The following ZNF615 variants were observed in gnomAD, a reference collection of about 807,000 sequenced individuals.
ZNF615 encodes zinc finger protein 615.
ZNF615 carries 15 observed loss-of-function variants against 15.3 expected under a neutral mutation model. That is an observed-to-expected ratio of 0.98 (90% CI 0.66 to 1.51). The LOEUF (loss-of-function observed/expected upper bound fraction) is 1.51. Ranked by LOEUF, ZNF615 falls within the 40% of genes most tolerant of loss-of-function variation. The probability of loss-of-function intolerance (pLI) is 0.00; values close to 1 mark genes in which losing one functional copy is unlikely to be tolerated. For synonymous variants in ZNF615, 268 were observed against 294.6 expected, an observed-to-expected ratio of 0.91 and a Z score of 0.92; for missense variants, 848 against 895.9, an observed-to-expected ratio of 0.95 and a Z score of 0.68.
In ZNF615 at chr19:51,993,287, T is replaced by C; in HGVS notation, c.1822A>G (p.Ile608Val). The change falls in exon 7 of 7, where the codon ATA (isoleucine) becomes GTA (valine). Residue 608 changes from isoleucine to valine, a missense_variant. Transcript: ENST00000598071. Reference protein sequence around the residue: ...QRTHTGEKPYICNECGKGFTM... With the variant: ...QRTHTGEKPYVCNECGKGFTM... The stretch of plus-strand genomic sequence containing the variant: ...AAGCCCTTTCCACATTCATTGCATA[T>C]ATAAGGTTTCTCCCCAGTATGAGTT... 6.2e-7 allele frequency: 1 copy of C among 1,614,156 alleles called. No homozygotes were observed. Among genetic ancestry groups the C allele is most frequent in the Middle Eastern group, 1.6e-4 (1 of 6,062 alleles).
In ZNF615 at chr19:51,994,354, A is replaced by G. The variant is rs201909467; in HGVS notation, c.755T>C (p.Phe252Ser). 3.1e-6 allele frequency: 5 copies of G among 1,614,074 alleles called. No homozygotes were observed. Among genetic ancestry groups the G allele is most frequent in the Non-Finnish European group, 4.2e-6 (5 of 1,180,014 alleles). The part of the protein sequence containing the change: ...PHVCSMCGKA[F>S]SRKSRLMDHQ... ...GTCCATTAGTCTGGATTTTCTGGAGAAAGCTTTCCCACACATACTGCATAC... is the reference window on the plus strand; with the variant it reads ...GTCCATTAGTCTGGATTTTCTGGAGGAAGCTTTCCCACACATACTGCATAC... Residue 252 changes from phenylalanine (F) to serine (S), a missense_variant, in exon 7 of 7, where the codon TTC becomes TCC. Transcript: ENST00000598071.
At chr19:52,007,386 G>A (rs956698211) in intron 1 of ZNF615, 56 bp from the exon 2 acceptor site, 1 of 1,061,002 alleles carries the variant, frequency 9.4e-7, no homozygotes, top group Non-Finnish European at 1.3e-6. Context: ...AAGGGTAGAA[G>A]CCGCATCTTA....
intron 2 of ZNF615, among the ~76,000 whole-genome samples, chr19:52,006,936 A>T (rs1027562809): frequency 6.6e-6 from 1 of 152,164 alleles, no homozygotes; most frequent in East Asian, 1.9e-4. Context: ...GGAGTCAGAA[A>T]GCAATACACT....
In ZNF615 at chr19:52,001,878, G is replaced by C. The variant is rs748389966; in HGVS notation, c.173C>G (p.Ser58Cys). The C allele has an allele frequency of 2.5e-6, 4 of 1,614,046 alleles. No individual in the cohort carries two copies. Among genetic ancestry groups the C allele is most frequent in the Non-Finnish European group, 3.4e-6 (4 of 1,180,044 alleles). The change falls in exon 5 of 7, where the codon TCC becomes TGC. Residue 58 changes from serine (S) to cysteine (C), a missense_variant. By Grantham distance (112) the Ser-to-Cys change is moderately radical. Transcript: ENST00000598071. ...AGTTTCTTCTCCTCGTTCCAATTTG[G>C]AGAGTGCATCTGGTTTGCTGGCTTG... ...GYQASKPDAL[S>C]KLERGEETCT... is the part of the protein sequence containing the mutation.
intron 5 of ZNF615, among the ~76,000 whole-genome samples, 198 bp from the exon 6 acceptor site, chr19:52,000,576 T>A (rs796532866): frequency 1.6e-4 from 25 of 152,152 alleles, no homozygotes; most frequent in African/African-American, 6.0e-4. Flanking sequence ...CAGAAGTTAA[T>A]TTGGTAGTCT....
rs1006214788 is a variant in ZNF615, at chr19:51,993,394, G to C, written c.1715C>G (p.Thr572Ser). Residue 572 changes from threonine to serine, a missense_variant, in exon 7 of 7, where the codon ACT (threonine) becomes AGT (serine). Physicochemically the swap from Thr to Ser is moderately conservative, Grantham distance 58 (BLOSUM62 1). Coordinates refer to ENST00000598071, the MANE Select transcript of ZNF615 (RefSeq NM_001199324.2). Reference protein sequence around the residue: ...EKSHLNVHRRTHTGEKPYVCS... With the variant: ...EKSHLNVHRRSHTGEKPYVCS... ...TACATAGGGTTTCTCTCCTGTATGA[G>C]TGCGCCGATGTACATTGAGATGACT... 27 of 1,613,918 alleles carry C rather than the reference G, an allele frequency of 1.7e-5. No individual in the cohort carries two copies. Among genetic ancestry groups the C allele is most frequent in the Non-Finnish European group, 2.1e-5 (25 of 1,180,008 alleles).
Position 51,992,698 on chromosome 19 carries a change from T to C in ZNF615, c.*182A>G, listed in dbSNP as rs2086267613. ...CACATTCATAGGATTTTTCTCAGTA[T>C]ACAATTTTTAGACATAATGTCCTAA... On this transcript the variant is annotated 3_prime_UTR_variant, in exon 7 of 7. Coordinates refer to ENST00000598071, the MANE Select transcript of ZNF615 (RefSeq NM_001199324.2). 5.3e-6 allele frequency: 4 copies of C among 757,770 alleles called. No homozygotes were observed. The highest frequency in any genetic ancestry group is 3.8e-4 in the Middle Eastern group (1 of 2,638). The allele number at this position is 757,770 out of a possible 1,614,324, so 46.9% of individuals were successfully genotyped here. A position where few individuals can be genotyped will look rare whatever the true frequency, so the allele number is the denominator to read the frequency against.
chr19:52,003,943 C>T, intron 2 of ZNF615, 43 bp from the exon 3 acceptor site: 1 of 1,291,260 alleles, frequency 7.7e-7, no homozygotes, highest in Non-Finnish European at 9.9e-7. Flanking sequence ...TTTTTAGGCC[C>T]AGATGTTGTC....
At position 51,993,660 on chromosome 19, in the gene ZNF615, A is replaced by G; in HGVS notation, c.1449T>C (p.Ile483=). The change falls in exon 7 of 7, where the codon ATT becomes ATC. Residue 483 remains isoleucine (I), a synonymous_variant. Transcript: ENST00000598071. ...RKGFTMKSDL[I]VHQRTHTAEK... ...CTGCAGTATGAGTTCGCTGATGTACAATGAGGTCACTCTTCATGGTGAAAC... is the reference window on the plus strand; with the variant it reads ...CTGCAGTATGAGTTCGCTGATGTACGATGAGGTCACTCTTCATGGTGAAAC... 1 of 1,613,858 alleles carries G rather than the reference A, an allele frequency of 6.2e-7. No homozygotes were observed.
chr19:51,993,478 G>C lies in ZNF615; in HGVS notation c.1631C>G (p.Thr544Ser). The C allele has an allele frequency of 6.2e-7, 1 of 1,614,014 alleles. No homozygotes were observed. The highest frequency in any genetic ancestry group is 8.5e-7 in the Non-Finnish European group (1 of 1,179,994). ...AKIRLMGHQR[T>S]HTGEKPYICN... ...AATATAAGGTTTCTCTCCTGTATGA[G>C]TTCGTTGATGTCCCATTAGCCGGAT... Residue 544 changes from threonine to serine, a missense_variant, in exon 7 of 7, where the codon ACT (threonine) becomes AGT (serine). Transcript: ENST00000598071.
In ZNF615 at chr19:51,993,155, GTA is replaced by G; in HGVS notation, c.1952_1953del (p.Ile651ThrfsTer16). ...DKTFRKKTCL[I>X]QHQRFHTGKT... is the part of the protein sequence containing the mutation. ...TTTCCTGTGTGAAATCGCTGATGTT[GTA>G]TGAGGCATGTCTTCTTCCTGAAGGT... On this transcript the variant is annotated frameshift_variant, in exon 7 of 7. Transcript: ENST00000598071. LOFTEE classifies it low-confidence loss of function (END_TRUNC). 1.2e-6 allele frequency: 2 copies of G among 1,614,168 alleles called. No individual in the cohort carries two copies. The highest frequency in any genetic ancestry group is 2.2e-5 in the South Asian group (2 of 91,084).
Position 51,993,492 on chromosome 19 carries a change from C to T in ZNF615, c.1617G>A (p.Met539Ile). 6.2e-7 allele frequency: 1 copy of T among 1,613,160 alleles called. No individual in the cohort carries two copies. The highest frequency in any genetic ancestry group is 1.3e-5 in the African/African-American group (1 of 74,680). Reference protein sequence around the residue: ...GKGFPAKIRLMGHQRTHTGEK... With the variant: ...GKGFPAKIRLIGHQRTHTGEK... ...CTCCTGTATGAGTTCGTTGATGTCC[C>T]ATTAGCCGGATCTTTGCTGGAAAGC... Residue 539 changes from methionine (M) to isoleucine (I), a missense_variant, in exon 7 of 7, where the codon ATG becomes ATA. Transcript: ENST00000598071.
rs2288886 is a variant in ZNF615 at position 51,992,431 on chromosome 19, A to T, written c.*449T>A. 60,147 of 153,798 alleles carry T rather than the reference A, an allele frequency of 0.39. 13,121 individuals are homozygous for T. The highest frequency in any genetic ancestry group is 0.58 in the African/African-American group (24,100 of 41,386). 9.5% of individuals were successfully genotyped at this position (153,798 alleles called of 1,614,324 possible). On this transcript the variant is annotated 3_prime_UTR_variant, in exon 7 of 7. Coordinates refer to ENST00000598071, the MANE Select transcript of ZNF615 (RefSeq NM_001199324.2). ...AGTCTTCTACATTGAATGTTTTCATAAGTTTTTTCTGCATTATTTCCTAGC... is the reference window on the plus strand; with the variant it reads ...AGTCTTCTACATTGAATGTTTTCATTAGTTTTTTCTGCATTATTTCCTAGC...
intron 3 of ZNF615, 79 bp downstream of exon 3, chr19:52,003,618 G>T: frequency 7.4e-7 from 1 of 1,359,892 alleles, no homozygotes; most frequent in Non-Finnish European, 1.0e-6. Flanking sequence ...ATACTTTTCT[G>T]ATTAATTACC....
chr19:52,003,897 T>A lies in ZNF615; in HGVS notation c.-186A>T. 7.2e-7 allele frequency: 1 copy of A among 1,392,756 alleles called. No individual in the cohort carries two copies. Among genetic ancestry groups the A allele is most frequent in the East Asian group, 2.6e-5 (1 of 38,626 alleles). The allele number at this position is 1,392,756 out of a possible 1,614,324, so 86.3% of individuals were successfully genotyped here. On this transcript the variant is annotated 5_prime_UTR_variant, in exon 3 of 7. Coordinates refer to ENST00000598071, the MANE Select transcript of ZNF615 (RefSeq NM_001199324.2). ...TGATTTCTCTTGTTCTCAGCACCTG[T>A]GGGCTGAAGAGCAAATTACTCTGAG... is the stretch of plus-strand genomic sequence containing the variant.
Position 51,994,273 on chromosome 19 carries a change from GT to G in ZNF615, c.835del (p.Thr279ProfsTer116). The G allele has an allele frequency of 6.2e-7, 1 of 1,614,106 alleles. No individual in the cohort carries two copies. Among genetic ancestry groups the G allele is most frequent in the Non-Finnish European group, 8.5e-7 (1 of 1,180,010 alleles). On this transcript the variant is annotated frameshift_variant, in exon 7 of 7. Transcript: ENST00000598071. LOFTEE classifies it low-confidence loss of function (END_TRUNC). Reference protein sequence around the residue: ...KHYECTECDKTFLKKSQLNIH... With the variant: ...KHYECTECDKXFLKKSQLNIH... ...ATTGAGCTGTGATTTCTTGAGGAAG[GT>G]TTTGTCACATTCAGTGCATTCATAA...
chr19:51,992,836 A>C lies in ZNF615; in HGVS notation c.*44T>G, dbSNP rs1274183330. ...TTCATGAAATTACTCTTCTTTGCAG[A>C]TATCTTAAGGGCCTACATCTGGCAA... On this transcript the variant is annotated 3_prime_UTR_variant, in exon 7 of 7. Coordinates refer to ENST00000598071, the MANE Select transcript of ZNF615 (RefSeq NM_001199324.2). 2 of 1,587,036 alleles carry C rather than the reference A, an allele frequency of 1.3e-6. No individual in the cohort carries two copies. The highest frequency in any genetic ancestry group is 2.3e-5 in the South Asian group (2 of 88,080).
intron 4 of ZNF615, 98 bp from the exon 5 acceptor site, chr19:52,002,006 T>A: frequency 6.3e-7 from 1 of 1,598,878 alleles, no homozygotes; most frequent in Non-Finnish European, 8.6e-7. Context: ...AGGTATCAGA[T>A]CTGTAACAAG....
Position 51,993,954 on chromosome 19 carries a change from G to C in ZNF615, c.1155C>G (p.Cys385Trp). ...RTHTGEKPFI[C>W]NKCGKGFTLK... ...AGGTGAAGCCTTTCCCACATTTATT[G>C]CATATAAAGGGTTTCTCACCAGTAT... Residue 385 changes from cysteine to tryptophan, a missense_variant, in exon 7 of 7, where the codon TGC becomes TGG. Cys to Trp is a radical substitution (Grantham distance 215). Transcript: ENST00000598071. The C allele has an allele frequency of 6.2e-7, 1 of 1,613,910 alleles. No individual in the cohort carries two copies. Among genetic ancestry groups the C allele is most frequent in the Non-Finnish European group, 8.5e-7 (1 of 1,179,888 alleles).
Sources: allele counts gnomAD v4.1 joint callset (sites outside exome capture counted in the v4.1 genomes callset), GRCh38; gene constraint gnomAD v4.1.1; transcripts MANE v1.5; gene names NCBI Gene and HGNC (gene_info 2026-07-23, HGNC 2026-07-21).